The following NAALADL2 variants were observed in gnomAD, a reference collection of about 807,000 sequenced individuals.
NAALADL2 encodes the protein N-acetylated alpha-linked acidic dipeptidase like 2.
NAALADL2 carries 76 observed loss-of-function variants against 87.2 expected under a neutral mutation model. That is an observed-to-expected ratio of 0.87 (90% CI 0.72 to 1.05). NAALADL2 has a LOEUF of 1.05. Ranked by LOEUF, NAALADL2 falls within the 50% of genes least tolerant of loss-of-function variation. NAALADL2 has a pLI of 0.00. For missense variants in NAALADL2, 1,089 were observed against 945.8 expected (o/e 1.15, Z -1.99); for synonymous variants, 354 against 331.0 (o/e 1.07, Z -0.75).
intron 1 of NAALADL2, among the ~76,000 whole-genome samples, chr3:175,071,728 G>A (rs1400160788): frequency 6.6e-6 from 1 of 151,888 alleles, no homozygotes; most frequent in East Asian, 1.9e-4. Context: ...TTTGTTGGAA[G>A]GAAATGATAT....
chr3:174,952,458 T>C (rs1014262672), intron 1 of NAALADL2, among the ~76,000 whole-genome samples: 3 of 152,086 alleles, frequency 2.0e-5, no homozygotes, highest in African/African-American at 4.8e-5. Context: ...TCAGAGATAA[T>C]TGAATAAAGA....
chr3:175,604,780 T>C (rs2149651502), intron 10 of NAALADL2, among the ~76,000 whole-genome samples: 1 of 152,268 alleles, frequency 6.6e-6, no homozygotes, highest in Non-Finnish European at 1.5e-5. Context: ...TTAAAAGATT[T>C]TAAGCATGAA....
chr3:174,667,227 G>A (rs2108792225), intron 2 of NAALADL2, among the ~76,000 whole-genome samples: 1 of 152,212 alleles, frequency 6.6e-6, no homozygotes, highest in East Asian at 1.9e-4. Context: ...TTCTGTAAGC[G>A]AAATGCAGGT....
At chr3:174,924,876 A>C (rs1381333667) in intron 1 of NAALADL2, among the ~76,000 whole-genome samples, 1 of 152,142 alleles carries the variant, frequency 6.6e-6, no homozygotes, top group East Asian at 1.9e-4. Context: ...TTCTTTTGAG[A>C]AGTGTCTGTT....
intron 5 of NAALADL2, among the ~76,000 whole-genome samples, chr3:175,437,943 TA>T (rs1163252634): frequency 1.3e-5 from 2 of 152,106 alleles, no homozygotes; most frequent in African/African-American, 4.8e-5. Flanking sequence ...TGATATTTAC[TA>T]GGGAGCATAG....
At chr3:175,050,291 T>C (rs550073814) in intron 1 of NAALADL2, among the ~76,000 whole-genome samples, 43 of 152,276 alleles carry the variant, frequency 2.8e-4, no homozygotes, top group Admixed American at 1.6e-3. Flanking sequence ...AGACAGAGTT[T>C]CACTCTTGTT....
chr3:175,667,262 A>AAGG (rs1733313066), intron 11 of NAALADL2, among the ~76,000 whole-genome samples: 3 of 144,136 alleles, frequency 2.1e-5, no homozygotes, highest in African/African-American at 5.6e-5. Context: ...AGAAAGAAAG[A>AAGG]AAGGAAGGAA....
intron 9 of NAALADL2, among the ~76,000 whole-genome samples, chr3:175,559,020 C>T (rs13326112): frequency 0.02 from 3,087 of 151,914 alleles, 63 homozygotes; most frequent in Admixed American, 0.063. Flanking sequence ...TTGGGTAGTA[C>T]GGACATTTTA....
At chr3:174,944,103 C>T (rs1739032484) in intron 1 of NAALADL2, among the ~76,000 whole-genome samples, 1 of 152,124 alleles carries the variant, frequency 6.6e-6, no homozygotes, top group African/African-American at 2.4e-5. Context: ...CTTGGATTTT[C>T]TAGTACCTGG....
intron 5 of NAALADL2, among the ~76,000 whole-genome samples, chr3:175,398,344 C>CTT (rs776575751): frequency 0.01 from 1,163 of 111,880 alleles, 17 homozygotes; most frequent in African/African-American, 0.023. Flanking sequence ...GCTTCTGCTA[C>CTT]TTTTTTTTTT....
chr3:174,913,617 A>G (rs1288016608), intron 1 of NAALADL2, among the ~76,000 whole-genome samples: 4 of 152,024 alleles, frequency 2.6e-5, no homozygotes, highest in Non-Finnish European at 2.9e-5. Flanking sequence ...CAAACTTGCA[A>G]TCTCCTCTGG....
chr3:175,034,853 CAGTA>C, intron 1 of NAALADL2, among the ~76,000 whole-genome samples: 1 of 152,266 alleles, frequency 6.6e-6, no homozygotes, highest in South Asian at 2.1e-4. Context: ...AGTAAGCATT[CAGTA>C]AGTGTTAGTT....
chr3:175,482,036 A>G (rs1726548502), intron 9 of NAALADL2, among the ~76,000 whole-genome samples: 1 of 150,524 alleles, frequency 6.6e-6, no homozygotes, highest in South Asian at 2.1e-4. Context: ...TTATCATTGC[A>G]CTGAGGCGAA....
At chr3:175,502,943 T>C (rs1316047439) in intron 9 of NAALADL2, among the ~76,000 whole-genome samples, 2 of 151,784 alleles carry the variant, frequency 1.3e-5, no homozygotes, top group African/African-American at 2.4e-5. Context: ...TTTTTCACCA[T>C]TATTTTAGGT....
chr3:174,797,234 C>T (rs1321369279), intron 3 of NAALADL2, among the ~76,000 whole-genome samples: 1 of 150,296 alleles, frequency 6.7e-6, no homozygotes, highest in African/African-American at 2.4e-5. Context: ...CAGGCGGCTT[C>T]ATCAAAGACC....
At chr3:175,182,508 T>C (rs1198704408) in intron 2 of NAALADL2, among the ~76,000 whole-genome samples, 1 of 150,340 alleles carries the variant, frequency 6.7e-6, no homozygotes, top group Non-Finnish European at 1.5e-5. Context: ...CCAACTGAGC[T>C]TCCTGAGTAG....
chr3:174,931,407 A>G (rs183775958), intron 1 of NAALADL2, among the ~76,000 whole-genome samples: 2 of 152,292 alleles, frequency 1.3e-5, no homozygotes. Flanking sequence ...ATAAGATGGG[A>G]ACGATACTAA....
At chr3:175,787,518 T>G (rs971757956) in intron 13 of NAALADL2, among the ~76,000 whole-genome samples, 10 of 152,206 alleles carry the variant, frequency 6.6e-5, no homozygotes, top group African/African-American at 2.4e-4. Flanking sequence ...GAAAGGGAAC[T>G]CCCTGACCCC....
rs187754856 is a variant in NAALADL2, at chr3:175,610,011, T to C, written c.1801-17280T>C. 3.5e-3 allele frequency among the ~76,000 whole-genome samples: 537 copies of C among 152,306 alleles called. 3 individuals are homozygous for C. Among genetic ancestry groups the C allele is most frequent in the Non-Finnish European group, 5.8e-3 (392 of 68,020 alleles). ...TGTAAAAAAAAAGGAATTTACCTAA[T>C]TTATAATATCTTTTCCAGCCCTCAA... On this transcript the variant is annotated intron_variant, in intron 10 of 13. Transcript: ENST00000454872.
Sources: gnomAD v4.1 joint callset for allele counts (sites outside exome capture counted in the v4.1 genomes callset) on GRCh38, gnomAD v4.1.1 for gene constraint, MANE v1.5 for transcripts, NCBI Gene and HGNC (gene_info 2026-07-23, HGNC 2026-07-21) for gene names.